The following TMEM192 variants were observed in gnomAD, a reference collection of about 807,000 sequenced individuals.
The protein encoded by TMEM192 is transmembrane protein 192.
In TMEM192, 20 loss-of-function variants were observed where a neutral mutation model predicts 26.7. That is an observed-to-expected ratio of 0.75 (90% CI 0.53 to 1.09). TMEM192 has a LOEUF of 1.09. TMEM192 is among the 50% of genes least tolerant of loss of function. The probability of loss-of-function intolerance (pLI) is 0.00; values close to 1 mark genes in which losing one functional copy is unlikely to be tolerated. For synonymous variants in TMEM192, 124 were observed against 121.0 expected, an observed-to-expected ratio of 1.02 and a Z score of -0.16; for missense variants, 304 against 322.6, an observed-to-expected ratio of 0.94 and a Z score of 0.44.
rs1161396227 is a variant in TMEM192, at chr4:165,079,782, A to G, written c.692T>C (p.Leu231Pro). 1.9e-6 allele frequency: 3 copies of G among 1,613,882 alleles called. No individual in the cohort carries two copies. The highest frequency in any genetic ancestry group is 4.5e-5 in the East Asian group (2 of 44,856). The change falls in exon 6 of 6, where the codon CTA becomes CCA. Residue 231 changes from leucine to proline, a missense_variant. Coordinates refer to ENST00000306480, the MANE Select transcript of TMEM192 (RefSeq NM_001100389.2). ...TCCTTGCTTTTCAACAATTTCTTCT[A>G]GGCTTGAAATAGTTCTGCAAGTAAT... ...SETGFRTISS[L>P]EEIVEKQGDT...
At chr4:165,097,355 G>A (rs932980185) in intron 3 of TMEM192, among the ~76,000 whole-genome samples, 1 of 152,000 alleles carries the variant, frequency 6.6e-6, no homozygotes, top group African/African-American at 2.4e-5. Context: ...TTAGCCAGGC[G>A]TGGTGGCGGG....
rs76341693 is a variant in TMEM192, at chr4:165,083,885, A to G, written c.677+1701T>C. 3.7e-4 allele frequency among the ~76,000 whole-genome samples: 3 copies of G among 8,164 alleles called. 1 individual carries two copies. The highest frequency in any genetic ancestry group is 2.1e-3 in the Non-Finnish European group (2 of 948). 5.4% of individuals were successfully genotyped at this position (8,164 alleles called of 152,430 possible). On this transcript the variant is annotated intron_variant, in intron 5 of 5. Transcript: ENST00000306480. Reference sequence around the variant, plus strand: ...TATCCAGGCTGGAGTGCAGTGGCGCAATCTTAGCTCACTGCAACCTCCGCC... The same window carrying G: ...TATCCAGGCTGGAGTGCAGTGGCGCGATCTTAGCTCACTGCAACCTCCGCC...
chr4:165,088,594 C>CTG lies in TMEM192; in HGVS notation c.446_447dup (p.Val150GlnfsTer36). 6.2e-7 allele frequency: 1 copy of CTG among 1,610,432 alleles called. No homozygotes were observed. The highest frequency in any genetic ancestry group is 8.5e-7 in the Non-Finnish European group (1 of 1,178,274). On this transcript the variant is annotated frameshift_variant, in exon 4 of 6. Transcript: ENST00000306480. LOFTEE classifies it high-confidence loss of function. ...TGCATGCACAGTATGAGGAGAAGCA[C>CTG]TGTGTTGCCTGAGGAGGAGAAACAT...
At chr4:165,100,126 A>G (rs1183923661) in intron 3 of TMEM192, among the ~76,000 whole-genome samples, 1 of 151,704 alleles carries the variant, frequency 6.6e-6, no homozygotes, top group Non-Finnish European at 1.5e-5. Flanking sequence ...CAGATTTCAA[A>G]TGAAAATTAA....
chr4:165,070,615 C>T lies in TMEM192; in HGVS notation c.*9043G>A, dbSNP rs1339364799. On this transcript the variant is annotated 3_prime_UTR_variant, in exon 6 of 6. Coordinates refer to ENST00000306480, the MANE Select transcript of TMEM192 (RefSeq NM_001100389.2). ...AGCAGTGATTATAAAAACTAGCAGT[C>T]TTATCTCTTTTATTTCTGATATGTT... The T allele has an allele frequency of 6.6e-6, 1 of 152,118 alleles. No homozygotes were observed. The highest frequency in any genetic ancestry group is 1.9e-4 in the East Asian group (1 of 5,200). The allele number at this position is 152,118 out of a possible 1,614,324, so 9.4% of individuals were successfully genotyped here.
rs1039120940 is a variant in TMEM192 at position 165,070,864 on chromosome 4, T to A, written c.*8794A>T. 6.6e-6 allele frequency: 1 copy of A among 152,240 alleles called. No homozygotes were observed. The highest frequency in any genetic ancestry group is 2.4e-5 in the African/African-American group (1 of 41,468). The allele number at this position is 152,240 out of a possible 1,614,324, so 9.4% of individuals were successfully genotyped here. A position where few individuals can be genotyped will look rare whatever the true frequency, so the allele number is the denominator to read the frequency against. ...AATTCATCAACGTATATTGAGTGCC[T>A]ACTTTGTGCCAGACACTGTTCTATG... On this transcript the variant is annotated 3_prime_UTR_variant, in exon 6 of 6. Coordinates refer to ENST00000306480, the MANE Select transcript of TMEM192 (RefSeq NM_001100389.2).
rs1306362543 is a variant in TMEM192, at chr4:165,076,287, C to G, written c.*3371G>C. 2 of 152,144 alleles carry G rather than the reference C, an allele frequency of 1.3e-5. No individual in the cohort carries two copies. Among genetic ancestry groups the G allele is most frequent in the African/African-American group, 4.8e-5 (2 of 41,420 alleles). The allele number at this position is 152,144 out of a possible 1,614,324, so 9.4% of individuals were successfully genotyped here. On this transcript the variant is annotated 3_prime_UTR_variant, in exon 6 of 6. Coordinates refer to ENST00000306480, the MANE Select transcript of TMEM192 (RefSeq NM_001100389.2). ...TGCCCTAGTTCAGGGCCATATCTTT[C>G]TGCCACACATATTTCCTCCATATTG...
intron 3 of TMEM192, among the ~76,000 whole-genome samples, chr4:165,097,148 C>T (rs1287232595): frequency 6.6e-6 from 1 of 152,078 alleles, no homozygotes; most frequent in African/African-American, 2.4e-5. Flanking sequence ...AGCCCTTCAG[C>T]TTCCACTGAG....
intron 3 of TMEM192, among the ~76,000 whole-genome samples, chr4:165,098,438 T>A (rs1330943909): frequency 6.6e-6 from 1 of 151,698 alleles, no homozygotes; most frequent in Non-Finnish European, 1.5e-5. Flanking sequence ...TCTTTTTTTT[T>A]TTAAAACTTA....
At chr4:165,107,014 T>C (rs1735176584) in intron 1 of TMEM192, among the ~76,000 whole-genome samples, 1 of 152,038 alleles carries the variant, frequency 6.6e-6, no homozygotes, top group Non-Finnish European at 1.5e-5. Flanking sequence ...TCTCAGGATT[T>C]TTTTTCTCTC....
At chr4:165,109,251 T>C (rs1735240791) in intron 1 of TMEM192, among the ~76,000 whole-genome samples, 1 of 152,234 alleles carries the variant, frequency 6.6e-6, no homozygotes, top group Admixed American at 6.5e-5. Flanking sequence ...CCTTTGTGCT[T>C]TTAACACTTG....
At chr4:165,103,822 C>T (rs1307213639) in intron 1 of TMEM192, among the ~76,000 whole-genome samples, 1 of 152,146 alleles carries the variant, frequency 6.6e-6, no homozygotes, top group East Asian at 1.9e-4. Context: ...GTGCCCGGCA[C>T]ACATCCAGCT....
chr4:165,085,831 G>A, intron 4 of TMEM192, 143 bp from the exon 5 acceptor site: 1 of 586,762 alleles, frequency 1.7e-6, no homozygotes, highest in Non-Finnish European at 3.0e-6. Context: ...CTAAGCCCTG[G>A]GAATATAGGG....
rs1734281835 is a variant in TMEM192, at chr4:165,072,008, CAAG to C, written c.*7647_*7649del. On this transcript the variant is annotated 3_prime_UTR_variant, in exon 6 of 6. Transcript: ENST00000306480. Reference sequence around the variant, plus strand: ...CTGTAATCCCAGTACTTTGGGAGGCCAAGGAGGGAGGATCATGAGGTCAGGAGT... The same window carrying C: ...CTGTAATCCCAGTACTTTGGGAGGCCGAGGGAGGATCATGAGGTCAGGAGT... The C allele has an allele frequency of 6.6e-6, 1 of 151,810 alleles. No individual in the cohort carries two copies. Among genetic ancestry groups the C allele is most frequent in the South Asian group, 2.1e-4 (1 of 4,814 alleles). The allele number at this position is 151,810 out of a possible 1,614,324, so 9.4% of individuals were successfully genotyped here. A position where few individuals can be genotyped will look rare whatever the true frequency, so the allele number is the denominator to read the frequency against.
Position 165,112,763 on chromosome 4 carries a change from C to A in TMEM192, c.11G>T (p.Gly4Val). 6.2e-7 allele frequency: 1 copy of A among 1,608,432 alleles called. No homozygotes were observed. Among genetic ancestry groups the A allele is most frequent in the East Asian group, 2.2e-5 (1 of 44,678 alleles). Reference sequence around the variant, plus strand: ...TGCACTCACGTCCTCCATCCTGCCCCCCGCCGCCATTTCCCGACGCCGGAG... The same window carrying A: ...TGCACTCACGTCCTCCATCCTGCCCACCGCCGCCATTTCCCGACGCCGGAG... MAAGGRMEDGSLDI... is the reference protein window; with the variant it reads MAAVGRMEDGSLDI... The change falls in exon 1 of 6, where the codon GGG becomes GTG. Residue 4 changes from glycine to valine, a missense_variant. Coordinates refer to ENST00000306480, the MANE Select transcript of TMEM192 (RefSeq NM_001100389.2).
intron 1 of TMEM192, 116 bp downstream of exon 1, chr4:165,112,631 C>A: frequency 2.0e-6 from 3 of 1,465,056 alleles, no homozygotes; most frequent in Non-Finnish European, 1.8e-6. Context: ...GCGCCCCCTT[C>A]GGCCGCGGCC....
At chr4:165,084,217 G>A (rs900707679) in intron 5 of TMEM192, among the ~76,000 whole-genome samples, 2 of 150,104 alleles carry the variant, frequency 1.3e-5, no homozygotes, top group Admixed American at 6.6e-5. Context: ...TTTTTTGTTT[G>A]AGATGGAGTC....
Position 165,071,685 on chromosome 4 carries a change from G to A in TMEM192, c.*7973C>T, listed in dbSNP as rs1411134374. On this transcript the variant is annotated 3_prime_UTR_variant, in exon 6 of 6. Coordinates refer to ENST00000306480, the MANE Select transcript of TMEM192 (RefSeq NM_001100389.2). ...AGCAACCGCAAAGGTCCTCAGGTAA[G>A]AATGTGCTTAGCAATCCAAAAGCCA... 1 of 152,242 alleles carries A rather than the reference G, an allele frequency of 6.6e-6. No individual in the cohort carries two copies. Among genetic ancestry groups the A allele is most frequent in the Non-Finnish European group, 1.5e-5 (1 of 68,142 alleles). 9.4% of individuals were successfully genotyped at this position (152,242 alleles called of 1,614,324 possible).
intron 1 of TMEM192, among the ~76,000 whole-genome samples, chr4:165,104,873 C>T (rs1369013507): frequency 6.6e-6 from 1 of 152,064 alleles, no homozygotes; most frequent in Non-Finnish European, 1.5e-5. Flanking sequence ...GTTTAGTTTA[C>T]CATAACTCAT....
Sources: allele counts gnomAD v4.1 joint callset (sites outside exome capture counted in the v4.1 genomes callset), GRCh38; gene constraint gnomAD v4.1.1; transcripts MANE v1.5; gene names NCBI Gene and HGNC (gene_info 2026-07-23, HGNC 2026-07-21).